Variants in VWC2 observed in about 807,000 individuals in gnomAD.
The protein encoded by VWC2 is von Willebrand factor C domain containing 2.
VWC2 carries 14 observed loss-of-function variants against 29.8 expected under a neutral mutation model. The ratio of observed to expected loss-of-function variants is 0.47; its 90% CI spans 0.31 to 0.74. VWC2 has a LOEUF of 0.74. Ranked by LOEUF, VWC2 falls within the 30% of genes least tolerant of loss-of-function variation. The pLI, the probability that VWC2 is intolerant of heterozygous loss-of-function variation, is 0.05. For synonymous variants in VWC2, 213 were observed against 199.0 expected, an observed-to-expected ratio of 1.07 and a Z score of -0.59; for missense variants, 457 against 459.8, an observed-to-expected ratio of 0.99 and a Z score of 0.05.
intron 3 of VWC2, among the ~76,000 whole-genome samples, chr7:49,837,289 T>G (rs1023991606): frequency 3.9e-5 from 6 of 152,218 alleles, no homozygotes; most frequent in Non-Finnish European, 7.3e-5. Context: ...GAATAGAACT[T>G]AATTAAATTT....
chr7:49,854,741 G>A (rs566647151), intron 3 of VWC2, among the ~76,000 whole-genome samples: 18 of 152,270 alleles, frequency 1.2e-4, no homozygotes, highest in Admixed American at 9.2e-4. Flanking sequence ...GTCAATTTTA[G>A]CTTTTGTTGC....
At chr7:49,840,052 CCACGG>C (rs1194880208) in intron 3 of VWC2, among the ~76,000 whole-genome samples, 1 of 152,158 alleles carries the variant, frequency 6.6e-6, no homozygotes, top group African/African-American at 2.4e-5. Context: ...CAACCCTGGC[CCACGG>C]GCTGACCAGG....
chr7:49,868,620 T>C (rs1440640720), intron 3 of VWC2, among the ~76,000 whole-genome samples: 2 of 151,822 alleles, frequency 1.3e-5, no homozygotes, highest in African/African-American at 2.4e-5. Flanking sequence ...ATGTAGGGAG[T>C]TTTTTGTTTT....
chr7:49,777,488 GAAC>G (rs1301605996), intron 2 of VWC2, among the ~76,000 whole-genome samples: 1 of 152,164 alleles, frequency 6.6e-6, no homozygotes, highest in Non-Finnish European at 1.5e-5. Flanking sequence ...TGCAGGACTG[GAAC>G]AAAAGACATA....
intron 3 of VWC2, among the ~76,000 whole-genome samples, chr7:49,808,072 C>A (rs1338001905): frequency 6.6e-6 from 1 of 151,908 alleles, no homozygotes; most frequent in Non-Finnish European, 1.5e-5. Context: ...GTTTCCATGA[C>A]AGGTCCTGTT....
At chr7:49,835,359 AG>A (rs1231816480) in intron 3 of VWC2, among the ~76,000 whole-genome samples, 23 of 152,336 alleles carry the variant, frequency 1.5e-4, no homozygotes, top group African/African-American at 5.5e-4. Context: ...TTTCTTTCTC[AG>A]TATTTAAGCT....
At position 49,797,351 on chromosome 7, in the gene VWC2, A is replaced by G. The variant is rs150716334; in HGVS notation, c.697-5360A>G. ...TTTCATGCCTCCCATTTGTCTGCTC[A>G]TGAGTGGGCAGTGCATTCAGCCTGG... On this transcript the variant is annotated intron_variant, in intron 2 of 3. Coordinates refer to ENST00000340652, the MANE Select transcript of VWC2 (RefSeq NM_198570.5). Among the ~76,000 whole-genome samples, 746 of 152,288 alleles carry G rather than the reference A, an allele frequency of 4.9e-3. 3 individuals are homozygous for G. Among genetic ancestry groups the G allele is most frequent in the African/African-American group, 0.017 (696 of 41,552 alleles).
chr7:49,798,031 A>T (rs988785837), intron 2 of VWC2, among the ~76,000 whole-genome samples: 1 of 152,240 alleles, frequency 6.6e-6, no homozygotes, highest in African/African-American at 2.4e-5. Context: ...ACTTTAGAAG[A>T]GGAGAAAAGT....
intron 3 of VWC2, among the ~76,000 whole-genome samples, chr7:49,855,532 C>A (rs73330437): frequency 0.034 from 5,132 of 152,142 alleles, 248 homozygotes; most frequent in South Asian, 0.12. Flanking sequence ...GAAGGCTCAG[C>A]GAGGACAGGT....
At chr7:49,779,762 T>A (rs1043494403) in intron 2 of VWC2, among the ~76,000 whole-genome samples, 1 of 152,236 alleles carries the variant, frequency 6.6e-6, no homozygotes, top group Admixed American at 6.5e-5. Flanking sequence ...TTCCAAGTAA[T>A]CTGGAAGTCC....
At chr7:49,832,601 C>T (rs933116569) in intron 3 of VWC2, among the ~76,000 whole-genome samples, 1 of 152,142 alleles carries the variant, frequency 6.6e-6, no homozygotes, top group African/African-American at 2.4e-5. Context: ...ACTGAAATCT[C>T]CTGTTTTTTA....
rs578213123 is a variant in VWC2, at chr7:49,778,601, T to G, written c.696+2470T>G. 2.6e-5 allele frequency among the ~76,000 whole-genome samples: 4 copies of G among 152,354 alleles called. No individual in the cohort carries two copies. In the East Asian group the frequency reaches 7.7e-4, roughly 29 times the overall value. On this transcript the variant is annotated intron_variant, in intron 2 of 3. Transcript: ENST00000340652. ...AGCCATTTATTGTCTCCATTTTTGTTTCCTTCAATGTACAAAAGAGAAAGC... is the reference window on the plus strand; with the variant it reads ...AGCCATTTATTGTCTCCATTTTTGTGTCCTTCAATGTACAAAAGAGAAAGC...
chr7:49,901,830 G>C, intron 3 of VWC2, among the ~76,000 whole-genome samples: 1 of 144,474 alleles, frequency 6.9e-6, no homozygotes, highest in Admixed American at 7.2e-5. Context: ...TTGATCAATG[G>C]AACAGAATAG....
In VWC2 at chr7:49,832,057, C is replaced by G. The variant is rs1418613245; in HGVS notation, c.826+29217C>G. 3.9e-5 allele frequency among the ~76,000 whole-genome samples: 6 copies of G among 152,190 alleles called. No homozygotes were observed. The South Asian group carries it at 1.2e-3, about 32-fold the overall frequency. Reference sequence around the variant, plus strand: ...GGGTCCCTGGAGGAAGGTTAACAAGCATTTTGTTCAGTTGATCAGTGGGGA... The same window carrying G: ...GGGTCCCTGGAGGAAGGTTAACAAGGATTTTGTTCAGTTGATCAGTGGGGA... On this transcript the variant is annotated intron_variant, in intron 3 of 3. Transcript: ENST00000340652.
chr7:49,867,710 G>T (rs1049028642), intron 3 of VWC2, among the ~76,000 whole-genome samples: 2 of 152,224 alleles, frequency 1.3e-5, no homozygotes, highest in African/African-American at 4.8e-5. Context: ...CTGTCAGTCA[G>T]CCACGATCCC....
At chr7:49,816,103 A>G (rs1426449670) in intron 3 of VWC2, among the ~76,000 whole-genome samples, 1 of 152,104 alleles carries the variant, frequency 6.6e-6, no homozygotes, top group Non-Finnish European at 1.5e-5. Context: ...TTTATGCACT[A>G]GATTTGTTAC....
intron 2 of VWC2, among the ~76,000 whole-genome samples, chr7:49,789,216 T>A (rs1788400144): frequency 6.7e-6 from 1 of 149,010 alleles, no homozygotes; most frequent in African/African-American, 2.5e-5. Context: ...TGTGTGTGTG[T>A]GAGTGTGGGA....
At chr7:49,854,270 G>A (rs1484495818) in intron 3 of VWC2, among the ~76,000 whole-genome samples, 3 of 152,142 alleles carry the variant, frequency 2.0e-5, no homozygotes, top group Admixed American at 6.5e-5. Flanking sequence ...TCTAGTTTGA[G>A]ATCCTTGAGG....
In VWC2 at chr7:49,775,550, G is replaced by T; in HGVS notation, c.115G>T (p.Ala39Ser). 1.3e-6 allele frequency: 2 copies of T among 1,556,934 alleles called. No homozygotes were observed. Among genetic ancestry groups the T allele is most frequent in the Non-Finnish European group, 8.7e-7 (1 of 1,154,904 alleles). Residue 39 changes from alanine to serine, a missense_variant, in exon 2 of 4, where the codon GCA becomes TCA. Physicochemically the swap from Ala to Ser is moderately conservative, Grantham distance 99. Around this residue, in one of 2 missense-constraint regions of VWC2, gnomAD observed 272 missense variants for 202.7 expected, o/e 1.34. Transcript: ENST00000340652. ...PSIPLEKLAQ[A>S]PEQPGQEKRE... ...CATCCCGCTGGAGAAGCTGGCCCAGGCACCAGAGCAGCCGGGCCAGGAGAA... is the reference window on the plus strand; with the variant it reads ...CATCCCGCTGGAGAAGCTGGCCCAGTCACCAGAGCAGCCGGGCCAGGAGAA...
Sources: allele counts gnomAD v4.1 joint callset (sites outside exome capture counted in the v4.1 genomes callset), GRCh38; gene constraint gnomAD v4.1.1; regional missense constraint gnomAD v4.1.1; transcripts MANE v1.5; gene names NCBI Gene and HGNC (gene_info 2026-07-23, HGNC 2026-07-21).